The following GK5 variants were observed in gnomAD, a reference collection of about 807,000 sequenced individuals.
GK5 encodes ATP:glycerol 3-phosphotransferase 5.
A neutral mutation model predicts 77.3 loss-of-function variants in GK5; 39 were observed. The observed-to-expected ratio is 0.50, with a 90% CI of 0.39 to 0.66. GK5 has a LOEUF of 0.66. Among genes scored for constraint, GK5 ranks in the 30% least tolerant of loss-of-function variants. The pLI is 0.00. For synonymous variants in GK5, 211 were observed against 208.0 expected, an observed-to-expected ratio of 1.01 and a Z score of -0.13; for missense variants, 487 against 633.8, an observed-to-expected ratio of 0.77 and a Z score of 2.49.
At position 142,225,409 on chromosome 3, in the gene GK5, C is replaced by T. The variant is rs1197045706; in HGVS notation, c.47G>A (p.Arg16Gln). 21 of 1,600,618 alleles carry T rather than the reference C, an allele frequency of 1.3e-5. No homozygotes were observed. Among genetic ancestry groups the T allele is most frequent in the Non-Finnish European group, 1.5e-5 (18 of 1,176,102 alleles). ...TDPEQRAQEP[R>Q]YPGFVLGLDV... Reference sequence around the variant, plus strand: ...CAGCCCCAGCACGAAGCCGGGGTACCGCGGCTCCTGCGCTCTCTGCTCCGG... The same window carrying T: ...CAGCCCCAGCACGAAGCCGGGGTACTGCGGCTCCTGCGCTCTCTGCTCCGG... Residue 16 changes from arginine to glutamine, a missense_variant, in exon 1 of 16, where the codon CGG (arginine) becomes CAG (glutamine). Physicochemically the swap from Arg to Gln is conservative, Grantham distance 43. Around this residue, in one of 4 missense-constraint regions of GK5, gnomAD observed 97 missense variants for 86.9 expected, o/e 1.12. Coordinates refer to ENST00000392993, the MANE Select transcript of GK5 (RefSeq NM_001039547.3).
intron 3 of GK5, 120 bp downstream of exon 3, chr3:142,213,406 C>T (rs2064223934): frequency 1.1e-5 from 8 of 717,904 alleles, no homozygotes; most frequent in Non-Finnish European, 1.8e-5. Flanking sequence ...TTTCATCCCT[C>T]TTAACCAAAC....
At chr3:142,196,253 A>C (rs1429452709) in intron 5 of GK5, among the ~76,000 whole-genome samples, 1 of 151,980 alleles carries the variant, frequency 6.6e-6, no homozygotes. Context: ...CTTTTCAAAG[A>C]AGCAACTTTC....
chr3:142,220,708 G>A (rs1200764266), intron 1 of GK5, among the ~76,000 whole-genome samples: 2 of 152,058 alleles, frequency 1.3e-5, no homozygotes, highest in African/African-American at 2.4e-5. Flanking sequence ...AGTGCCTATG[G>A]TTTCTTAGAT....
chr3:142,207,360 C>A (rs1006450774), intron 3 of GK5, among the ~76,000 whole-genome samples: 1 of 152,208 alleles, frequency 6.6e-6, no homozygotes, highest in African/African-American at 2.4e-5. Flanking sequence ...TCTAGCTTCA[C>A]GTCCTGTTTC....
intron 1 of GK5, among the ~76,000 whole-genome samples, chr3:142,221,269 G>C (rs1194802899): frequency 6.6e-6 from 1 of 152,130 alleles, no homozygotes; most frequent in Non-Finnish European, 1.5e-5. Context: ...TAATACTTCT[G>C]CCCTTTCTAG....
chr3:142,201,431 G>A (rs2107789356), intron 4 of GK5, among the ~76,000 whole-genome samples: 1 of 152,246 alleles, frequency 6.6e-6, no homozygotes, highest in South Asian at 2.1e-4. Flanking sequence ...TTTCAAATTA[G>A]AACATTTTTT....
chr3:142,204,212 C>G (rs2064069368), intron 4 of GK5: 2 of 222,728 alleles, frequency 9.0e-6, no homozygotes, highest in African/African-American at 2.3e-5. Flanking sequence ...GAGATGAGGT[C>G]TTACCATGTT....
At chr3:142,187,857 C>CA (rs2063793858) in intron 5 of GK5, 78 bp from the exon 6 acceptor site, 2 of 936,814 alleles carry the variant, frequency 2.1e-6, no homozygotes, top group African/African-American at 3.3e-5. Context: ...ATCAGTGATA[C>CA]AATATAAACC....
chr3:142,214,508 C>T (rs1410409679), intron 2 of GK5, among the ~76,000 whole-genome samples: 1 of 152,094 alleles, frequency 6.6e-6, no homozygotes, highest in Non-Finnish European at 1.5e-5. Flanking sequence ...AACACATCAA[C>T]TCCCATATAG....
At chr3:142,212,454 T>C (rs1577148306) in intron 3 of GK5, among the ~76,000 whole-genome samples, 1 of 152,112 alleles carries the variant, frequency 6.6e-6, no homozygotes, top group Admixed American at 6.6e-5. Flanking sequence ...GAGGATTACC[T>C]GAGCCTGGGA....
At position 142,225,317 on chromosome 3, in the gene GK5, C is replaced by A; in HGVS notation, c.139G>T (p.Val47Leu). The A allele has an allele frequency of 6.5e-7, 1 of 1,543,024 alleles. No homozygotes were observed. Among genetic ancestry groups the A allele is most frequent in the Non-Finnish European group, 8.7e-7 (1 of 1,145,116 alleles). The change falls in exon 1 of 16, where the codon GTG becomes TTG. Residue 47 changes from valine (V) to leucine (L), a missense_variant. Coordinates refer to ENST00000392993, the MANE Select transcript of GK5 (RefSeq NM_001039547.3). ...DRAARVCGSS[V>L]QKVENLYPQI... ...GCCCGCCCCCAAGTCACCTTCTGCA[C>A]GCTGGAGCCGCAGACCCGCGCCGCC...
chr3:142,206,344 T>G (rs1235217321), intron 3 of GK5, among the ~76,000 whole-genome samples: 2 of 152,228 alleles, frequency 1.3e-5, no homozygotes, highest in Non-Finnish European at 2.9e-5. Context: ...GCAAACTGTT[T>G]TCCGCAGTCG....
At chr3:142,223,659 C>A (rs563903652) in intron 1 of GK5, among the ~76,000 whole-genome samples, 2 of 152,052 alleles carry the variant, frequency 1.3e-5, no homozygotes, top group Non-Finnish European at 2.9e-5. Flanking sequence ...GCCAACATGG[C>A]GAAACCCTGT....
intron 12 of GK5, among the ~76,000 whole-genome samples, chr3:142,174,193 C>G (rs1481781799): frequency 6.6e-6 from 1 of 152,068 alleles, no homozygotes; most frequent in Non-Finnish European, 1.5e-5. Context: ...ATCTGGCTCC[C>G]CATGGGAGAA....
chr3:142,222,331 C>T (rs1020491588), intron 1 of GK5, among the ~76,000 whole-genome samples: 30 of 151,908 alleles, frequency 2.0e-4, no homozygotes, highest in African/African-American at 6.8e-4. Flanking sequence ...TTTGGGAGGC[C>T]GAGGCGGGTG....
chr3:142,191,230 A>G (rs927649737), intron 5 of GK5, among the ~76,000 whole-genome samples: 1 of 151,898 alleles, frequency 6.6e-6, no homozygotes, highest in Non-Finnish European at 1.5e-5. Context: ...GGGTTTCACC[A>G]TATTGGCCAG....
chr3:142,199,837 G>T (rs528884319), intron 4 of GK5, among the ~76,000 whole-genome samples: 1 of 150,880 alleles, frequency 6.6e-6, no homozygotes, highest in South Asian at 2.1e-4. Context: ...TTGTAAAACT[G>T]ATGTTTTACA....
intron 1 of GK5, among the ~76,000 whole-genome samples, chr3:142,219,544 T>C (rs750744157): frequency 6.6e-6 from 1 of 152,184 alleles, no homozygotes; most frequent in African/African-American, 2.4e-5. Context: ...GGAAAACAGA[T>C]CAGTGGTTAC....
chr3:142,192,972 G>A (rs1195378788), intron 5 of GK5, among the ~76,000 whole-genome samples: 1 of 152,040 alleles, frequency 6.6e-6, no homozygotes, highest in Non-Finnish European at 1.5e-5. Flanking sequence ...CAAAGCTAGA[G>A]ACAATAAAAA....
Sources: allele counts gnomAD v4.1 joint callset (sites outside exome capture counted in the v4.1 genomes callset), GRCh38; gene constraint gnomAD v4.1.1; regional missense constraint gnomAD v4.1.1; transcripts MANE v1.5; gene names NCBI Gene and HGNC (gene_info 2026-07-23, HGNC 2026-07-21).